The following NAAA variants were observed in gnomAD, a reference collection of about 807,000 sequenced individuals.
The protein encoded by NAAA is N-acylethanolamine-hydrolyzing acid amidase.
NAAA carries 39 observed loss-of-function variants against 44.8 expected under a neutral mutation model. The ratio of observed to expected loss-of-function variants is 0.87; its 90% CI spans 0.67 to 1.14. The LOEUF is 1.14. NAAA is among the 50% of genes most tolerant of loss of function. The pLI is 0.00. For missense variants in NAAA, 460 were observed against 467.8 expected (o/e 0.98, Z 0.15); for synonymous variants, 178 against 191.3 (o/e 0.93, Z 0.58).
chr4:75,936,189 G>A lies in NAAA; in HGVS notation c.418C>T (p.His140Tyr), dbSNP rs748061053. 2 of 1,613,938 alleles carry A rather than the reference G, an allele frequency of 1.2e-6. No individual in the cohort carries two copies. The change falls in exon 3 of 11, where the codon CAT becomes TAT. Residue 140 changes from histidine to tyrosine, a missense_variant. By Grantham distance (83) the His-to-Tyr change is moderately conservative. Coordinates refer to ENST00000286733, the MANE Select transcript of NAAA (RefSeq NM_014435.4). ...AAAGGATAATCCAAATTCCGACCAT[G>A]GTAAATGTGGCCTCTGGAGTCTTGA... ...VAQDSRGHIYHGRNLDYPFGN... is the reference protein window; with the variant it reads ...VAQDSRGHIYYGRNLDYPFGN...
chr4:75,936,162 C>G lies in NAAA; in HGVS notation c.445G>C (p.Gly149Arg). ...ACTGTCAGCTTGCGTAAGACATTCC[C>G]AAAAGGATAATCCAAATTCCGACCA... is the stretch of plus-strand genomic sequence containing the variant. The part of the protein sequence containing the change: ...YHGRNLDYPF[G>R]NVLRKLTVDV... The change falls in exon 3 of 11, where the codon GGG becomes CGG. Residue 149 changes from glycine (G) to arginine (R), a missense_variant. Transcript: ENST00000286733. 2 of 1,613,932 alleles carry G rather than the reference C, an allele frequency of 1.2e-6. No individual in the cohort carries two copies. The highest frequency in any genetic ancestry group is 1.7e-6 in the Non-Finnish European group (2 of 1,179,960).
At chr4:75,915,119 T>C in intron 9 of NAAA, 134 bp from the exon 10 acceptor site, 1 of 671,554 alleles carries the variant, frequency 1.5e-6, no homozygotes, top group Non-Finnish European at 2.6e-6. Flanking sequence ...TTTAAATCTA[T>C]GAATCAAGAG....
intron 9 of NAAA, among the ~76,000 whole-genome samples, chr4:75,916,749 C>T (rs1330311998): frequency 7.6e-6 from 1 of 131,930 alleles, no homozygotes. Context: ...TATTATAATA[C>T]TAATTTTTAA....
At chr4:75,935,932 C>A (rs760457314) in intron 3 of NAAA, 177 bp downstream of exon 3, 1 of 686,814 alleles carries the variant, frequency 1.5e-6, no homozygotes, top group Non-Finnish European at 2.4e-6. Flanking sequence ...AATAAATGAC[C>A]GTCCTTCCTA....
chr4:75,931,994 C>T (rs1307849929), intron 3 of NAAA, among the ~76,000 whole-genome samples: 1 of 152,154 alleles, frequency 6.6e-6, no homozygotes, highest in Non-Finnish European at 1.5e-5. Flanking sequence ...CTTTGGGAGG[C>T]CAAGGTGGGC....
At chr4:75,921,867 G>A (rs79908128) in intron 5 of NAAA, among the ~76,000 whole-genome samples, 2,415 of 152,252 alleles carry the variant, frequency 0.016, 63 homozygotes, top group African/African-American at 0.053. Flanking sequence ...CAGACACCCC[G>A]AGGGCGCATG....
downstream of NAAA, among the ~76,000 whole-genome samples, chr4:75,911,816 G>T (rs1246210904): frequency 6.6e-6 from 1 of 152,148 alleles, no homozygotes. Context: ...AGCAGAATTC[G>T]GGTTCTTCCC....
downstream of NAAA, among the ~76,000 whole-genome samples, chr4:75,912,552 T>TG (rs1167794980): frequency 3.1e-5 from 4 of 127,470 alleles, no homozygotes; most frequent in Non-Finnish European, 4.9e-5. Context: ...AGACTCTGTC[T>TG]GGAAAAAAAA....
intron 2 of NAAA, among the ~76,000 whole-genome samples, chr4:75,936,980 G>A (rs1238765469): frequency 1.3e-5 from 2 of 152,086 alleles, no homozygotes; most frequent in East Asian, 3.8e-4. Context: ...ATCCTGAAGG[G>A]TTTTTCTGGT....
chr4:75,939,756 G>T, intron 2 of NAAA: 1 of 506,128 alleles, frequency 2.0e-6, no homozygotes, highest in Non-Finnish European at 3.6e-6. Context: ...GATTGGGGAA[G>T]AGAAAACCCG....
chr4:75,924,818 A>G (rs980070956), intron 5 of NAAA, among the ~76,000 whole-genome samples: 1 of 152,158 alleles, frequency 6.6e-6, no homozygotes, highest in African/African-American at 2.4e-5. Flanking sequence ...AAAGACTCGA[A>G]CAAATACTAA....
chr4:75,913,116 G>C (rs1725395947), downstream of NAAA, among the ~76,000 whole-genome samples: 1 of 149,786 alleles, frequency 6.7e-6, no homozygotes, highest in Non-Finnish European at 1.5e-5. Context: ...TCACACGGTT[G>C]CTTTATCTTA....
intron 1 of NAAA, among the ~76,000 whole-genome samples, chr4:75,940,532 G>A (rs2149296528): frequency 6.6e-6 from 1 of 152,376 alleles, no homozygotes; most frequent in South Asian, 2.1e-4. Flanking sequence ...CTCAAGGACT[G>A]GCGTGCCACG....
downstream of NAAA, among the ~76,000 whole-genome samples, chr4:75,912,956 A>C (rs1725390250): frequency 6.6e-6 from 1 of 152,138 alleles, no homozygotes; most frequent in South Asian, 2.1e-4. Flanking sequence ...GCCACTAGAG[A>C]CGTCTGCAGT....
At chr4:75,916,138 T>G (rs909580876) in intron 9 of NAAA, among the ~76,000 whole-genome samples, 1 of 152,212 alleles carries the variant, frequency 6.6e-6, no homozygotes, top group East Asian at 1.9e-4. Flanking sequence ...CAGCAGAGGA[T>G]GGAGATGTAT....
chr4:75,911,960 C>T (rs1035336398), downstream of NAAA, among the ~76,000 whole-genome samples: 9 of 152,182 alleles, frequency 5.9e-5, no homozygotes, highest in South Asian at 2.1e-4. Context: ...ATTCCTCCCA[C>T]GATTAGCTTG....
intron 8 of NAAA, chr4:75,919,457 A>G (rs971193239): frequency 2.4e-5 from 4 of 168,074 alleles, no homozygotes; most frequent in African/African-American, 9.5e-5. Context: ...TTTAACTTAT[A>G]TAAAAGCAAG....
chr4:75,939,981 C>T lies in NAAA; in HGVS notation c.371+20G>A, dbSNP rs1281126357. On this transcript the variant is annotated intron_variant, in intron 2 of 10. Coordinates refer to ENST00000286733, the MANE Select transcript of NAAA (RefSeq NM_014435.4). ...CCCCCGCAAGCCCCGCGTTACTCCG[C>T]GCGGGCTTGGGGCACTCACACGGAG... is the stretch of plus-strand genomic sequence containing the variant. 1 of 1,611,062 alleles carries T rather than the reference C, an allele frequency of 6.2e-7. No individual in the cohort carries two copies. The highest frequency in any genetic ancestry group is 8.5e-7 in the Non-Finnish European group (1 of 1,178,016).
Position 75,918,746 on chromosome 4 carries a change from T to C in NAAA, c.998+15A>G, listed in dbSNP as rs766008105. 1 of 1,612,862 alleles carries C rather than the reference T, an allele frequency of 6.2e-7. No individual in the cohort carries two copies. Among genetic ancestry groups the C allele is most frequent in the Non-Finnish European group, 8.5e-7 (1 of 1,178,946 alleles). ...GGAGTGATGTGTGAACAGACATGTT[T>C]AACAAGCCACTTACTTGTTATAAAC... On this transcript the variant is annotated intron_variant, in intron 9 of 10. Transcript: ENST00000286733.
Sources: gnomAD v4.1 joint callset for allele counts (sites outside exome capture counted in the v4.1 genomes callset) on GRCh38, gnomAD v4.1.1 for gene constraint, MANE v1.5 for transcripts, NCBI Gene and HGNC (gene_info 2026-07-23, HGNC 2026-07-21) for gene names.